The following RPS6KA2 variants were observed in gnomAD, a reference collection of about 807,000 sequenced individuals.
RPS6KA2 encodes ribosomal protein S6 kinase A2.
Under a neutral mutation model 91.8 loss-of-function variants are expected in RPS6KA2, and 42 were observed. That is an observed-to-expected ratio of 0.46 (90% CI 0.36 to 0.59). The LOEUF (loss-of-function observed/expected upper bound fraction) is 0.59. RPS6KA2 is among the 20% of genes least tolerant of loss of function. The pLI is 0.00. For synonymous variants in RPS6KA2, 414 were observed against 393.6 expected, an observed-to-expected ratio of 1.05 and a Z score of -0.61; for missense variants, 798 against 978.5, an observed-to-expected ratio of 0.82 and a Z score of 2.46.
intron 2 of RPS6KA2, among the ~76,000 whole-genome samples, chr6:166,856,261 G>A (rs4710122): frequency 0.58 from 88,580 of 151,644 alleles, 29,704 homozygotes; most frequent in Non-Finnish European, 0.75. Context: ...TCTTGAGGGT[G>A]GACTTCTCAT....
intron 2 of RPS6KA2, among the ~76,000 whole-genome samples, chr6:166,742,401 G>A (rs1179821925): frequency 9.9e-5 from 15 of 152,232 alleles, no homozygotes; most frequent in Non-Finnish European, 2.9e-5. Context: ...GGGTCTCAGA[G>A]TTGTGTCATA....
intron 2 of RPS6KA2, among the ~76,000 whole-genome samples, chr6:166,741,310 C>A (rs755428248): frequency 9.2e-5 from 14 of 152,202 alleles, no homozygotes; most frequent in Non-Finnish European, 1.3e-4. Context: ...GTGGGTGCCA[C>A]TGAGAGCTCT....
chr6:166,717,624 G>A lies in RPS6KA2; in HGVS notation c.123+140576C>T, dbSNP rs79055918. Among the ~76,000 whole-genome samples, 11 of 152,240 alleles carry A rather than the reference G, an allele frequency of 7.2e-5. No homozygotes were observed. The East Asian group carries it at 2.1e-3, about 29-fold the overall frequency. ...CAGCGTGGGGTTGGAAGGGAGTGGGGTGCACAGCACACGTTCCATCCAGGG... is the reference window on the plus strand; with the variant it reads ...CAGCGTGGGGTTGGAAGGGAGTGGGATGCACAGCACACGTTCCATCCAGGG... On this transcript the variant is annotated intron_variant, in intron 2 of 21. Transcript: ENST00000503859.
chr6:166,854,998 A>C (rs1315696156), intron 2 of RPS6KA2, among the ~76,000 whole-genome samples: 2 of 152,232 alleles, frequency 1.3e-5, no homozygotes, highest in Admixed American at 6.5e-5. Context: ...TACATCATGG[A>C]ATACTATTCA....
intron 9 of RPS6KA2, 73 bp from the exon 10 acceptor site, chr6:166,488,994 G>T (rs1185814904): frequency 3.9e-6 from 5 of 1,279,828 alleles, no homozygotes; most frequent in Non-Finnish European, 3.3e-6. Context: ...GCCCCAGTCA[G>T]CATTCAGAGA....
At position 166,626,439 on chromosome 6, in the gene RPS6KA2, G is replaced by A. The variant is rs1786878196; in HGVS notation, c.99+482C>T. 6.6e-6 allele frequency among the ~76,000 whole-genome samples: 1 copy of A among 152,250 alleles called. No individual in the cohort carries two copies. The highest frequency in any genetic ancestry group is 1.5e-5 in the Non-Finnish European group (1 of 68,042). On this transcript the variant is annotated intron_variant, in intron 1 of 20. Transcript: ENST00000265678. The surrounding 1 kb of genome is among the most constrained non-coding windows in gnomAD (Gnocchi z 4.1). Reference sequence around the variant, plus strand: ...TCTGTGAATTCTACACTGACTTCAAGTGCACGAATGAGCTACAAGATAAGG... The same window carrying A: ...TCTGTGAATTCTACACTGACTTCAAATGCACGAATGAGCTACAAGATAAGG...
intron 2 of RPS6KA2, among the ~76,000 whole-genome samples, chr6:166,687,099 G>T (rs1445748844): frequency 6.6e-6 from 1 of 152,064 alleles, no homozygotes; most frequent in Non-Finnish European, 1.5e-5. Flanking sequence ...CTGGGCCGTG[G>T]AGATCCAGAC....
At chr6:166,664,627 T>C (rs2128558890) in intron 2 of RPS6KA2, among the ~76,000 whole-genome samples, 1 of 152,346 alleles carries the variant, frequency 6.6e-6, no homozygotes, top group South Asian at 2.1e-4. Flanking sequence ...ACTTAAAAAA[T>C]ATTGAATGGT....
intron 2 of RPS6KA2, among the ~76,000 whole-genome samples, chr6:166,794,232 C>T (rs567795433): frequency 0.29 from 40,689 of 142,544 alleles, 5,690 homozygotes; most frequent in Middle Eastern, 0.33. Flanking sequence ...GACATTTATG[C>T]AGCCAAAAAA....
At chr6:166,630,971 G>C (rs1787056283), upstream of RPS6KA2, among the ~76,000 whole-genome samples, 1 of 152,202 alleles carries the variant, frequency 6.6e-6, no homozygotes, top group African/African-American at 2.4e-5. Context: ...GGAGCTGTCA[G>C]GGAAGGGCTT....
At chr6:166,709,957 G>T (rs1562395094) in intron 2 of RPS6KA2, among the ~76,000 whole-genome samples, 1 of 152,140 alleles carries the variant, frequency 6.6e-6, no homozygotes, top group Non-Finnish European at 1.5e-5. Context: ...CTGTAAGAGG[G>T]TTTCAGTTTT....
At chr6:166,531,112 C>T in intron 3 of RPS6KA2, 120 bp downstream of exon 3, 1 of 739,868 alleles carries the variant, frequency 1.4e-6, no homozygotes, top group Non-Finnish European at 2.5e-6. Flanking sequence ...GAGTAATGTG[C>T]TCATTTAGAG....
chr6:166,809,188 C>T (rs1192752981), intron 2 of RPS6KA2, among the ~76,000 whole-genome samples: 1 of 152,104 alleles, frequency 6.6e-6, no homozygotes, highest in African/African-American at 2.4e-5. Flanking sequence ...TTCTTTGTAG[C>T]ACTATGTGTA....
intron 2 of RPS6KA2, among the ~76,000 whole-genome samples, chr6:166,787,226 G>T (rs1215162197): frequency 6.6e-6 from 1 of 152,082 alleles, no homozygotes; most frequent in African/African-American, 2.4e-5. Context: ...TTATCATGAT[G>T]TATAATTGAA....
chr6:166,482,223 G>A lies in RPS6KA2; in HGVS notation c.907+6610C>T, dbSNP rs142521489. Among the ~76,000 whole-genome samples, 90 of 152,332 alleles carry A rather than the reference G, an allele frequency of 5.9e-4. No individual in the cohort carries two copies. The East Asian group carries it at 0.015, about 25-fold the overall frequency. On this transcript the variant is annotated intron_variant, in intron 10 of 20. Coordinates refer to ENST00000265678, the MANE Select transcript of RPS6KA2 (RefSeq NM_021135.6). ...GCTCTGTTAAGTTCTCTGATGAGAC[G>A]GGAGAATGCACGTGCATCTCTTTGT...
chr6:166,643,858 G>T (rs1787524973), intron 2 of RPS6KA2, among the ~76,000 whole-genome samples: 1 of 152,238 alleles, frequency 6.6e-6, no homozygotes, highest in African/African-American at 2.4e-5. Flanking sequence ...TTAGGTGTAT[G>T]TGTGTGAGCA....
chr6:166,492,632 G>T (rs1273429336), intron 8 of RPS6KA2, among the ~76,000 whole-genome samples: 1 of 152,102 alleles, frequency 6.6e-6, no homozygotes, highest in African/African-American at 2.4e-5. Flanking sequence ...TACACAAATG[G>T]TGCCTGTCCA....
intron 5 of RPS6KA2, among the ~76,000 whole-genome samples, chr6:166,507,625 C>A (rs1782287322): frequency 6.6e-6 from 1 of 151,268 alleles, no homozygotes; most frequent in African/African-American, 2.4e-5. Flanking sequence ...ACCACACACC[C>A]CACACATAGC....
chr6:166,711,406 GA>G (rs996454631), intron 2 of RPS6KA2, among the ~76,000 whole-genome samples: 26 of 133,520 alleles, frequency 1.9e-4, no homozygotes, highest in African/African-American at 4.0e-4. Context: ...ATCTCAAACA[GA>G]AAAAAAAAAG....
Sources: gnomAD v4.1 joint callset for allele counts (sites outside exome capture counted in the v4.1 genomes callset) on GRCh38, gnomAD v4.1.1 for gene constraint, Gnocchi (gnomAD v3.1) non-coding constraint, MANE v1.5 for transcripts, NCBI Gene and HGNC (gene_info 2026-07-23, HGNC 2026-07-21) for gene names.